The following XRRA1 variants were observed in gnomAD, a reference collection of about 807,000 sequenced individuals.
The protein encoded by XRRA1 is X-ray radiation resistance-associated protein 1.
In XRRA1, 69 loss-of-function variants were observed where a neutral mutation model predicts 80.2. That is an observed-to-expected ratio of 0.86 (90% CI 0.71 to 1.05). The LOEUF is 1.05. Ranked by LOEUF, XRRA1 falls within the 50% of genes least tolerant of loss-of-function variation. XRRA1 has a pLI of 0.00. For synonymous variants in XRRA1, 348 were observed against 389.9 expected (o/e 0.89, Z 1.27); for missense variants, 967 against 976.4 (o/e 0.99, Z 0.13).
chr11:74,884,846 A>C (rs2048633331), intron 10 of XRRA1, among the ~76,000 whole-genome samples: 1 of 152,212 alleles, frequency 6.6e-6, no homozygotes, highest in Non-Finnish European at 1.5e-5. Flanking sequence ...TCAAATTAAC[A>C]ACCTAATATC....
chr11:74,933,627 T>C (rs1944193356), intron 5 of XRRA1, 174 bp downstream of exon 5: 1 of 579,868 alleles, frequency 1.7e-6, no homozygotes, highest in South Asian at 2.3e-5. Flanking sequence ...AAAGTTTGTG[T>C]CTGAATATTG....
chr11:74,859,144 G>A lies in XRRA1; in HGVS notation c.1170+14C>T. 6.3e-7 allele frequency: 1 copy of A among 1,588,314 alleles called. No homozygotes were observed. The highest frequency in any genetic ancestry group is 1.2e-5 in the South Asian group (1 of 86,322). ...CTGTGCCCCTGAGTAAACAGGAGAG[G>A]AGCAGAAAGTCACCTTGTTGTAGGC... On this transcript the variant is annotated intron_variant, in intron 12 of 18. Transcript: ENST00000684022.
intron 8 of XRRA1, among the ~76,000 whole-genome samples, chr11:74,913,183 G>C (rs533837756): frequency 6.6e-6 from 1 of 152,304 alleles, no homozygotes; most frequent in South Asian, 2.1e-4. Flanking sequence ...GCCCATTATA[G>C]TAGGAAGTGT....
intron 10 of XRRA1, among the ~76,000 whole-genome samples, chr11:74,896,880 C>G (rs897234539): frequency 1.3e-5 from 2 of 152,110 alleles, no homozygotes; most frequent in Admixed American, 1.3e-4. Flanking sequence ...GCTTGGGGTC[C>G]AAGTCCCTTC....
chr11:74,875,413 G>A (rs1025345302), intron 10 of XRRA1, among the ~76,000 whole-genome samples: 1 of 152,162 alleles, frequency 6.6e-6, no homozygotes, highest in East Asian at 1.9e-4. Flanking sequence ...GCTACAGTAA[G>A]AGGACGGCAA....
intron 5 of XRRA1, among the ~76,000 whole-genome samples, 159 bp from the exon 6 acceptor site, chr11:74,930,531 T>C (rs1943266844): frequency 6.6e-6 from 1 of 152,140 alleles, no homozygotes; most frequent in Non-Finnish European, 1.5e-5. Context: ...GCTGTAAGGG[T>C]TTTCCTGCTT....
intron 10 of XRRA1, among the ~76,000 whole-genome samples, chr11:74,882,755 T>G (rs1311412603): frequency 1.3e-5 from 2 of 151,574 alleles, no homozygotes; most frequent in African/African-American, 2.4e-5. Context: ...GCAGGTCTGT[T>G]GGAGTACCCT....
chr11:74,921,191 G>T, intron 8 of XRRA1, 23 bp downstream of exon 8: 1 of 1,610,642 alleles, frequency 6.2e-7, no homozygotes, highest in South Asian at 1.1e-5. Flanking sequence ...AACACAGAAT[G>T]GACTCCAGGA....
chr11:74,891,994 GATT>G (rs2050854120), intron 10 of XRRA1, among the ~76,000 whole-genome samples: 1 of 152,168 alleles, frequency 6.6e-6, no homozygotes, highest in East Asian at 1.9e-4. Context: ...GTAATTTATA[GATT>G]CAATGCCATC....
At chr11:74,863,799 TCTC>T (rs1293784483) in intron 10 of XRRA1, 2 of 152,126 alleles carry the variant, frequency 1.3e-5, no homozygotes, top group Non-Finnish European at 2.9e-5. Flanking sequence ...ATAAATAACT[TCTC>T]CTGTGATGAG....
chr11:74,885,356 C>CAGA lies in XRRA1; in HGVS notation c.1003+20880_1003+20882dup, dbSNP rs1332358814. Among the ~76,000 whole-genome samples, 3 of 152,026 alleles carry CAGA rather than the reference C, an allele frequency of 2.0e-5. No homozygotes were observed. The East Asian group carries it at 5.8e-4, about 29-fold the overall frequency. ...GCTAGCTAGATTAATAAAAGAAAGACAGAAGATACAAATAAAAACAATTAG... is the reference window on the plus strand; with the variant it reads ...GCTAGCTAGATTAATAAAAGAAAGACAGAAGAAGATACAAATAAAAACAATTAG... On this transcript the variant is annotated intron_variant, in intron 10 of 18. Coordinates refer to ENST00000684022, the MANE Select transcript of XRRA1 (RefSeq NM_001378157.1).
chr11:74,932,204 TTG>T (rs1164681633), intron 5 of XRRA1, among the ~76,000 whole-genome samples: 3 of 152,200 alleles, frequency 2.0e-5, no homozygotes, highest in Non-Finnish European at 4.4e-5. Flanking sequence ...GTGGTAACTT[TTG>T]TTAGATAGAT....
At chr11:74,867,575 G>A (rs1000060760) in intron 10 of XRRA1, among the ~76,000 whole-genome samples, 2 of 152,206 alleles carry the variant, frequency 1.3e-5, no homozygotes, top group African/African-American at 4.8e-5. Flanking sequence ...ATGGGATTAT[G>A]TAAAGAGACC....
At chr11:74,889,777 T>G (rs1258659633) in intron 10 of XRRA1, among the ~76,000 whole-genome samples, 1 of 152,174 alleles carries the variant, frequency 6.6e-6, no homozygotes, top group East Asian at 1.9e-4. Flanking sequence ...AAACAGACTT[T>G]AAACCAACAA....
chr11:74,947,172 G>A (rs926614039), intron 1 of XRRA1, among the ~76,000 whole-genome samples: 1 of 152,194 alleles, frequency 6.6e-6, no homozygotes, highest in Non-Finnish European at 1.5e-5. Flanking sequence ...GGTGAAGAAA[G>A]AAGAAGCAAG....
chr11:74,876,842 T>C (rs1435901132), intron 10 of XRRA1: 3 of 152,232 alleles, frequency 2.0e-5, no homozygotes, highest in African/African-American at 7.2e-5. Flanking sequence ...TCAGATACTT[T>C]CAGTTATTTC....
chr11:74,889,284 A>G (rs1173549379), intron 10 of XRRA1, among the ~76,000 whole-genome samples: 1 of 152,176 alleles, frequency 6.6e-6, no homozygotes, highest in Non-Finnish European at 1.5e-5. Flanking sequence ...TCAACCCAGA[A>G]TTTCATATCC....
intron 3 of XRRA1, among the ~76,000 whole-genome samples, chr11:74,938,510 A>T (rs1945577920): frequency 6.6e-6 from 1 of 152,182 alleles, no homozygotes. Flanking sequence ...ACTTTTACCC[A>T]CTTATTCTAG....
intron 7 of XRRA1, among the ~76,000 whole-genome samples, chr11:74,925,527 A>G (rs1448269844): frequency 1.3e-5 from 2 of 152,210 alleles, no homozygotes; most frequent in African/African-American, 4.8e-5. Context: ...GCCCTTGCAA[A>G]TCACAGATAG....
Sources: gnomAD v4.1 joint callset for allele counts (sites outside exome capture counted in the v4.1 genomes callset) on GRCh38, gnomAD v4.1.1 for gene constraint, MANE v1.5 for transcripts, NCBI Gene and HGNC (gene_info 2026-07-23, HGNC 2026-07-21) for gene names.